The following ACTR10 variants were observed in gnomAD, a reference collection of about 807,000 sequenced individuals.
The protein encoded by ACTR10 is actin-related protein 10.
A neutral mutation model predicts 56.2 loss-of-function variants in ACTR10; 43 were observed. That is an observed-to-expected ratio of 0.77 (90% CI 0.60 to 0.99). The LOEUF (loss-of-function observed/expected upper bound fraction) is 0.99, where lower values mean the gene tolerates loss of function less well. Ranked by LOEUF, ACTR10 falls within the 50% of genes least tolerant of loss-of-function variation. The probability of loss-of-function intolerance (pLI) is 0.00; values close to 1 mark genes in which losing one functional copy is unlikely to be tolerated. For synonymous variants in ACTR10, 170 were observed against 176.3 expected (o/e 0.96, Z 0.28); for missense variants, 466 against 507.8 (o/e 0.92, Z 0.79).
chr14:58,223,864 C>A lies in ACTR10; in HGVS notation c.788+8C>A. On this transcript the variant is annotated splice_region_variant and intron_variant, in intron 10 of 12. Transcript: ENST00000254286. ...TATCCTTGGATCAATCAGGTTAGAT[C>A]TTAAATTTTTACGGCAAAGTAGTAA... 1 of 1,596,078 alleles carries A rather than the reference C, an allele frequency of 6.3e-7. No individual in the cohort carries two copies. Among genetic ancestry groups the A allele is most frequent in the Admixed American group, 1.8e-5 (1 of 56,772 alleles).
In ACTR10 at chr14:58,234,355, A is replaced by G; in HGVS notation, c.1073-15A>G. Reference sequence around the variant, plus strand: ...AGTTTTCATCTTAGCTATAAAAAATATTTTTGTCACACAGGGGCTATTTTT... The same window carrying G: ...AGTTTTCATCTTAGCTATAAAAAATGTTTTTGTCACACAGGGGCTATTTTT... On this transcript the variant is annotated splice_polypyrimidine_tract_variant and intron_variant, in intron 12 of 12. Transcript: ENST00000254286. 6.5e-7 allele frequency: 1 copy of G among 1,527,312 alleles called. No homozygotes were observed. Among genetic ancestry groups the G allele is most frequent in the Non-Finnish European group, 8.8e-7 (1 of 1,132,240 alleles). 94.6% of individuals were successfully genotyped at this position (1,527,312 alleles called of 1,614,324 possible).
intron 2 of ACTR10, among the ~76,000 whole-genome samples, chr14:58,203,644 G>A (rs1473275066): frequency 6.6e-6 from 1 of 151,926 alleles, no homozygotes; most frequent in Non-Finnish European, 1.5e-5. Flanking sequence ...ACTTTTATAA[G>A]TCTTATAACC....
chr14:58,203,161 G>A (rs1888768084), intron 2 of ACTR10, among the ~76,000 whole-genome samples: 1 of 151,974 alleles, frequency 6.6e-6, no homozygotes, highest in Non-Finnish European at 1.5e-5. Context: ...AATTAGCCGG[G>A]AGTGGTGGCA....
intron 7 of ACTR10, among the ~76,000 whole-genome samples, chr14:58,218,786 G>T (rs1453397494): frequency 2.0e-5 from 3 of 151,936 alleles, no homozygotes; most frequent in African/African-American, 7.2e-5. Context: ...ATAAATCAAT[G>T]AAAATATTTT....
At chr14:58,229,651 C>T (rs1206384379) in intron 10 of ACTR10, among the ~76,000 whole-genome samples, 2 of 141,206 alleles carry the variant, frequency 1.4e-5, no homozygotes, top group Admixed American at 7.4e-5. Context: ...GCACTCCAGC[C>T]GGGGCAACAG....
intron 2 of ACTR10, 32 bp downstream of exon 2, chr14:58,202,959 G>A (rs2140040437): frequency 7.4e-7 from 1 of 1,348,590 alleles, no homozygotes. Context: ...CAAAATAAAT[G>A]CCATACTATA....
intron 2 of ACTR10, among the ~76,000 whole-genome samples, chr14:58,204,896 C>CT (rs1157096721): frequency 3.9e-5 from 6 of 152,032 alleles, no homozygotes; most frequent in African/African-American, 1.5e-4. Flanking sequence ...ACATTATTTC[C>CT]TTTTTTAGCA....
chr14:58,204,386 A>AAAAAT (rs1453130926), intron 2 of ACTR10, among the ~76,000 whole-genome samples: 2 of 151,980 alleles, frequency 1.3e-5, no homozygotes, highest in African/African-American at 2.4e-5. Flanking sequence ...TCCATCTCAA[A>AAAAAT]AAAATAAAAT....
Position 58,223,630 on chromosome 14 carries a change from T to TG in ACTR10, c.644dup (p.Cys215TrpfsTer5), listed in dbSNP as rs1889330137. On this transcript the variant is annotated frameshift_variant, in exon 9 of 13. Transcript: ENST00000254286. LOFTEE classifies it high-confidence loss of function. ...CCTTTTCTTCCTTAAAGCGCGTACT[T>TG]GCTTTGTAAGTGATCTGAAGCGAGG... 1 of 1,612,754 alleles carries TG rather than the reference T, an allele frequency of 6.2e-7. No individual in the cohort carries two copies. Among genetic ancestry groups the TG allele is most frequent in the East Asian group, 2.2e-5 (1 of 44,850 alleles).
rs1470276848 is a variant in ACTR10 at position 58,235,437 on chromosome 14, A to C, written c.*886A>C. On this transcript the variant is annotated 3_prime_UTR_variant, in exon 13 of 13. Transcript: ENST00000254286. ...AACTTTACAGTTTTTTTAATGAGCA[A>C]TTCTACATTTCTAAGAAAAAAGATA... The C allele has an allele frequency of 6.6e-6, 1 of 152,176 alleles. No homozygotes were observed. Among genetic ancestry groups the C allele is most frequent in the Non-Finnish European group, 1.5e-5 (1 of 68,042 alleles). 9.4% of individuals were successfully genotyped at this position (152,176 alleles called of 1,614,324 possible). A position where few individuals can be genotyped will look rare whatever the true frequency, so the allele number is the denominator to read the frequency against.
At chr14:58,207,676 A>G (rs559479782) in intron 2 of ACTR10, among the ~76,000 whole-genome samples, 24 of 152,192 alleles carry the variant, frequency 1.6e-4, no homozygotes, top group Non-Finnish European at 2.5e-4. Flanking sequence ...GATGGAGGAA[A>G]AATGCATGTG....
chr14:58,219,381 C>T (rs1889213117), intron 7 of ACTR10: 1 of 193,020 alleles, frequency 5.2e-6, no homozygotes, highest in African/African-American at 2.3e-5. Context: ...CCTTGAAGGA[C>T]AAGATTAAAA....
At chr14:58,227,662 A>G (rs1479997989) in intron 10 of ACTR10, among the ~76,000 whole-genome samples, 1 of 152,234 alleles carries the variant, frequency 6.6e-6, no homozygotes, top group African/African-American at 2.4e-5. Context: ...CTGACCAGCT[A>G]TGCCCGTTCA....
intron 2 of ACTR10, among the ~76,000 whole-genome samples, chr14:58,205,954 G>A (rs1287263462): frequency 2.0e-5 from 3 of 151,926 alleles, no homozygotes; most frequent in Non-Finnish European, 2.9e-5. Flanking sequence ...TCTGGGAGGC[G>A]GAGGTGGCAG....
At chr14:58,231,733 G>A (rs1415929171) in intron 11 of ACTR10, among the ~76,000 whole-genome samples, 3 of 152,128 alleles carry the variant, frequency 2.0e-5, no homozygotes, top group African/African-American at 4.8e-5. Flanking sequence ...TTCTTCTCAT[G>A]CTCTTTGCCC....
intron 5 of ACTR10, chr14:58,213,340 T>C (rs1889047147): frequency 1.3e-5 from 3 of 232,962 alleles, no homozygotes; most frequent in Non-Finnish European, 2.5e-5. Flanking sequence ...AGACTAGCCA[T>C]ATTTCATGTA....
chr14:58,233,849 G>T (rs1195758512), intron 12 of ACTR10, among the ~76,000 whole-genome samples: 8 of 152,218 alleles, frequency 5.3e-5, no homozygotes, highest in Non-Finnish European at 1.0e-4. Flanking sequence ...TTGTAAAATA[G>T]AATTTGGTCA....
intron 8 of ACTR10, among the ~76,000 whole-genome samples, chr14:58,222,641 T>C (rs1244692535): frequency 6.6e-6 from 1 of 151,970 alleles, no homozygotes; most frequent in Non-Finnish European, 1.5e-5. Context: ...GGCGTGTGCC[T>C]GTAATCCCAG....
At chr14:58,230,960 T>C (rs1009071996) in intron 11 of ACTR10, 1 of 191,990 alleles carries the variant, frequency 5.2e-6, no homozygotes, top group Admixed American at 5.5e-5. Flanking sequence ...GGTTTCGCCA[T>C]GTTGGCCAGG....
Sources: gnomAD v4.1 joint callset for allele counts (sites outside exome capture counted in the v4.1 genomes callset) on GRCh38, gnomAD v4.1.1 for gene constraint, MANE v1.5 for transcripts, NCBI Gene and HGNC (gene_info 2026-07-23, HGNC 2026-07-21) for gene names.